PDCD2L: variants seen among roughly 807,000 people sequenced by gnomAD.
PDCD2L encodes programmed cell death 2 like.
Under a neutral mutation model 40.4 loss-of-function variants are expected in PDCD2L, and 44 were observed. The observed-to-expected ratio is 1.09, with a 90% CI of 0.86 to 1.40. The LOEUF (loss-of-function observed/expected upper bound fraction) is 1.40, where lower values mean the gene tolerates loss of function less well. PDCD2L is among the 40% of genes most tolerant of loss of function. The pLI is 0.00. For missense variants in PDCD2L, 470 were observed against 453.7 expected, an observed-to-expected ratio of 1.04 and a Z score of -0.33; for synonymous variants, 194 against 174.6, an observed-to-expected ratio of 1.11 and a Z score of -0.88.
chr19:34,413,556 C>G (rs989805696), intron 4 of PDCD2L, among the ~76,000 whole-genome samples, 181 bp from the exon 5 acceptor site: 3 of 151,640 alleles, frequency 2.0e-5, no homozygotes, highest in African/African-American at 7.3e-5. Context: ...CCAGGATGGT[C>G]TCGATCTCCT....
rs767969149 is a variant in PDCD2L, at chr19:34,409,338, C to G, written c.514C>G (p.Leu172Val). 1.9e-6 allele frequency: 3 copies of G among 1,614,048 alleles called. No homozygotes were observed. Among genetic ancestry groups the G allele is most frequent in the South Asian group, 2.2e-5 (2 of 91,074 alleles). The change falls in exon 4 of 7, where the codon CTG (leucine) becomes GTG (valine). Residue 172 changes from leucine (L) to valine (V), a missense_variant. Transcript: ENST00000246535. ...AGACCTCCGCCTGCAGGATGCTGTC[C>G]TGGGTGCTGCCCATCCTGTGCCTCC... ...LQDLRLQDAVLGAAHPVPPGL... is the reference protein window; with the variant it reads ...LQDLRLQDAVVGAAHPVPPGL...
At chr19:34,421,307 A>G (rs62123390) in intron 5 of PDCD2L, 418,580 of 563,222 alleles carry the variant, frequency 0.74, 161,738 homozygotes, top group East Asian at 0.83. Flanking sequence ...ACCTAGATTC[A>G]GTTGAACATT....
chr19:34,415,662 T>C (rs1222893678), intron 5 of PDCD2L, among the ~76,000 whole-genome samples: 1 of 152,040 alleles, frequency 6.6e-6, no homozygotes, highest in Non-Finnish European at 1.5e-5. Flanking sequence ...AAAATAAATA[T>C]TAAAAAAGAA....
Position 34,404,435 on chromosome 19 carries a change from C to T in PDCD2L, c.5C>T (p.Ala2Val), listed in dbSNP as rs1222732893. M[A>V]AVLKPVLLGL... is the part of the protein sequence containing the mutation. ...TCACCTGGTCGCCCGGCGGCCATGG[C>T]GGCCGTTCTGAAGCCGGTGCTGCTG... Residue 2 changes from alanine to valine, a missense_variant, in exon 1 of 7, where the codon GCG becomes GTG. Ala to Val is a moderately conservative substitution (Grantham distance 64). Transcript: ENST00000246535. 1 of 1,541,996 alleles carries T rather than the reference C, an allele frequency of 6.5e-7. No individual in the cohort carries two copies. The highest frequency in any genetic ancestry group is 1.2e-5 in the South Asian group (1 of 83,678).
intron 5 of PDCD2L, among the ~76,000 whole-genome samples, chr19:34,416,556 C>T (rs1369817958): frequency 1.3e-5 from 2 of 152,204 alleles, no homozygotes; most frequent in Non-Finnish European, 2.9e-5. Flanking sequence ...CTCCTCACCC[C>T]AGTTTCCTCT....
chr19:34,415,355 C>G (rs34657593), intron 5 of PDCD2L, among the ~76,000 whole-genome samples: 100,803 of 151,966 alleles, frequency 0.66, 36,718 homozygotes, highest in Non-Finnish European at 0.82. Flanking sequence ...TTCAAATGAT[C>G]TGCCCGCTTC....
intron 4 of PDCD2L, among the ~76,000 whole-genome samples, chr19:34,410,157 T>G (rs1397478850): frequency 6.6e-6 from 1 of 152,288 alleles, no homozygotes; most frequent in South Asian, 2.1e-4. Context: ...CTGGAGTGAA[T>G]TGGTGTGATC....
At chr19:34,423,811 A>G (rs192875265) in intron 6 of PDCD2L, among the ~76,000 whole-genome samples, 18 of 152,220 alleles carry the variant, frequency 1.2e-4, no homozygotes, top group African/African-American at 4.3e-4. Flanking sequence ...TATCACAGCT[A>G]TTTGGATAGC....
chr19:34,408,793 A>T (rs1223158722), intron 3 of PDCD2L, among the ~76,000 whole-genome samples: 1 of 152,184 alleles, frequency 6.6e-6, no homozygotes, highest in Non-Finnish European at 1.5e-5. Flanking sequence ...TCTCTCTAGT[A>T]GACCTGATTA....
chr19:34,409,104 G>A lies in PDCD2L; in HGVS notation c.337-57G>A, dbSNP rs912837226. 3 of 1,517,312 alleles carry A rather than the reference G, an allele frequency of 2.0e-6. No homozygotes were observed. The Admixed American group carries it at 5.3e-5, about 27-fold the overall frequency. The allele number at this position is 1,517,312 out of a possible 1,614,324, so 94.0% of individuals were successfully genotyped here. A position where few individuals can be genotyped will look rare whatever the true frequency, so the allele number is the denominator to read the frequency against. ...GCGGCGGTGGGTGGCTGGAGCCGAA[G>A]GATTAGAATAAACCTCCCAAATGTG... is the stretch of plus-strand genomic sequence containing the variant. On this transcript the variant is annotated intron_variant, in intron 3 of 6. Transcript: ENST00000246535.
chr19:34,405,572 G>C (rs530915092), intron 3 of PDCD2L, among the ~76,000 whole-genome samples: 39 of 151,808 alleles, frequency 2.6e-4, no homozygotes, highest in African/African-American at 9.4e-4. Flanking sequence ...ACCGTTTTTT[G>C]AGAGGCTGAA....
At chr19:34,418,386 G>T (rs556973707) in intron 5 of PDCD2L, among the ~76,000 whole-genome samples, 7 of 151,972 alleles carry the variant, frequency 4.6e-5, no homozygotes, top group Non-Finnish European at 8.8e-5. Flanking sequence ...GGTCATATGG[G>T]ATATACTTTT....
In PDCD2L at chr19:34,405,003, AT is replaced by A; in HGVS notation, c.336+15del. 6.2e-7 allele frequency: 1 copy of A among 1,613,870 alleles called. No homozygotes were observed. The highest frequency in any genetic ancestry group is 8.5e-7 in the Non-Finnish European group (1 of 1,179,870). The stretch of plus-strand genomic sequence containing the variant: ...GCAGGACGCTCAGGTAAAGGTTGTG[AT>A]TGGCATGTTATTGTTTTTCTGTCAT... On this transcript the variant is annotated intron_variant, in intron 3 of 6. Transcript: ENST00000246535.
chr19:34,410,016 A>AT (rs2075094844), intron 4 of PDCD2L, among the ~76,000 whole-genome samples: 5 of 152,266 alleles, frequency 3.3e-5, no homozygotes, highest in African/African-American at 7.2e-5. Flanking sequence ...TCATCCCATG[A>AT]TTTTTTGAGA....
intron 4 of PDCD2L, among the ~76,000 whole-genome samples, chr19:34,410,737 T>C (rs1470956086): frequency 1.3e-5 from 2 of 149,664 alleles, no homozygotes; most frequent in Non-Finnish European, 3.0e-5. Flanking sequence ...CTTAATAGAA[T>C]TGATGGTTAT....
At chr19:34,409,050 G>A (rs974113754) in intron 3 of PDCD2L, 111 bp from the exon 4 acceptor site, 15 of 877,544 alleles carry the variant, frequency 1.7e-5, no homozygotes, top group Non-Finnish European at 2.2e-5. Context: ...GAGGGGAAGG[G>A]GATGGTGTGA....
At chr19:34,408,048 C>T (rs1341893294) in intron 3 of PDCD2L, among the ~76,000 whole-genome samples, 1 of 151,846 alleles carries the variant, frequency 6.6e-6, no homozygotes, top group East Asian at 1.9e-4. Context: ...GATGGGATTA[C>T]AGGCACGTGC....
Position 34,404,806 on chromosome 19 carries a change from G to A in PDCD2L, c.266G>A (p.Gly89Asp). Residue 89 changes from glycine to aspartate, a missense_variant, in exon 2 of 7, where the codon GGT (glycine) becomes GAT (aspartate). Coordinates refer to ENST00000246535, the MANE Select transcript of PDCD2L (RefSeq NM_032346.2). ...GCCTGCCCCGGCTGTAGCACCGGCG[G>A]TGCGCGCAGGTAGGCGGGGAAGTCC... ...ACACPGCSTG[G>D]ARSWKVFRSQ... is the part of the protein sequence containing the mutation. 1.2e-6 allele frequency: 2 copies of A among 1,603,732 alleles called. No homozygotes were observed. Among genetic ancestry groups the A allele is most frequent in the Non-Finnish European group, 8.5e-7 (1 of 1,176,772 alleles).
At position 34,413,779 on chromosome 19, in the gene PDCD2L, T is replaced by A. The variant is rs1286678784; in HGVS notation, c.729T>A (p.Ile243=). The change falls in exon 5 of 7, where the codon ATT becomes ATA. Residue 243 remains isoleucine, a synonymous_variant. Coordinates refer to ENST00000246535, the MANE Select transcript of PDCD2L (RefSeq NM_032346.2). ...DGDEKYEKTI[I]KSGDQTFYKF... ...ATGAAAAATATGAGAAGACCATAAT[T>A]AAAAGTGGAGATCAGACGTTTTACA... The A allele has an allele frequency of 1.2e-6, 2 of 1,606,792 alleles. No homozygotes were observed. Among genetic ancestry groups the A allele is most frequent in the African/African-American group, 2.7e-5 (2 of 74,728 alleles).
Sources: allele counts gnomAD v4.1 joint callset (sites outside exome capture counted in the v4.1 genomes callset), GRCh38; gene constraint gnomAD v4.1.1; transcripts MANE v1.5; gene names NCBI Gene and HGNC (gene_info 2026-07-23, HGNC 2026-07-21).